NAT10: variants seen among roughly 807,000 people sequenced by gnomAD.
NAT10 encodes the protein RNA cytidine acetyltransferase.
A neutral mutation model predicts 132.2 loss-of-function variants in NAT10; 109 were observed. The ratio of observed to expected loss-of-function variants is 0.82; its 90% CI spans 0.71 to 0.97. NAT10 has a LOEUF of 0.97. NAT10 is among the 50% of genes least tolerant of loss of function. The pLI, the probability that NAT10 is intolerant of heterozygous loss-of-function variation, is 0.00. For missense variants in NAT10, 1,184 were observed against 1,263.4 expected (o/e 0.94, Z 0.95); for synonymous variants, 479 against 478.0 (o/e 1.00, Z -0.03).
intron 8 of NAT10, among the ~76,000 whole-genome samples, chr11:34,121,802 G>A (rs1395563623): frequency 1.4e-5 from 2 of 140,760 alleles, no homozygotes; most frequent in South Asian, 2.4e-4. Context: ...GGAGGTTGAA[G>A]TGAGCTGAGA....
At chr11:34,116,657 C>T (rs201414585) in intron 6 of NAT10, among the ~76,000 whole-genome samples, 3 of 152,006 alleles carry the variant, frequency 2.0e-5, no homozygotes, top group African/African-American at 4.8e-5. Context: ...TACAGAGACA[C>T]GATCTTGGCT....
At chr11:34,142,631 G>A (rs974307699) in intron 27 of NAT10, among the ~76,000 whole-genome samples, 14 of 152,176 alleles carry the variant, frequency 9.2e-5, no homozygotes, top group South Asian at 6.2e-4. Flanking sequence ...TGGGGGTGCC[G>A]ATTGGATGAG....
intron 25 of NAT10, 141 bp downstream of exon 25, chr11:34,141,349 A>C: frequency 2.4e-6 from 3 of 1,233,248 alleles, no homozygotes; most frequent in Non-Finnish European, 2.2e-6. Context: ...ACACACACAA[A>C]TCCAGGACTT....
chr11:34,123,039 A>G (rs945949768), intron 9 of NAT10, among the ~76,000 whole-genome samples: 2 of 152,104 alleles, frequency 1.3e-5, no homozygotes, highest in Non-Finnish European at 2.9e-5. Context: ...GTTTTTTTCT[A>G]CTGGGTTTGG....
intron 12 of NAT10, among the ~76,000 whole-genome samples, chr11:34,128,737 GT>G (rs1852047044): frequency 6.6e-6 from 1 of 152,104 alleles, no homozygotes; most frequent in Non-Finnish European, 1.5e-5. Context: ...TAATTTAATG[GT>G]TTTTAGTATG....
chr11:34,133,690 T>C (rs1407595307), intron 16 of NAT10, among the ~76,000 whole-genome samples: 2 of 152,228 alleles, frequency 1.3e-5, no homozygotes, highest in Non-Finnish European at 2.9e-5. Flanking sequence ...TATTTTGAAC[T>C]TGTGCTGTTC....
rs560072423 is a variant in NAT10, at chr11:34,132,629, A to G, written c.1618-397A>G. Among the ~76,000 whole-genome samples the G allele has an allele frequency of 8.5e-5, 13 of 152,322 alleles. No individual in the cohort carries two copies. In the South Asian group the frequency reaches 2.7e-3, roughly 32 times the overall value. The stretch of plus-strand genomic sequence containing the variant: ...GTTGGTTAAAAAGGATACTTTTTGA[A>G]TGTCTAGATAGTATTTTTATGAACA... On this transcript the variant is annotated intron_variant, in intron 15 of 28. Transcript: ENST00000257829.
chr11:34,138,072 A>G (rs1158096707), intron 21 of NAT10, among the ~76,000 whole-genome samples: 1 of 152,174 alleles, frequency 6.6e-6, no homozygotes, highest in Non-Finnish European at 1.5e-5. Flanking sequence ...GGCGCTAAAG[A>G]AGGATTGTCC....
intron 3 of NAT10, among the ~76,000 whole-genome samples, chr11:34,109,093 C>T (rs1216623074): frequency 6.6e-6 from 1 of 152,208 alleles, no homozygotes; most frequent in Non-Finnish European, 1.5e-5. Flanking sequence ...AAGCCCATCT[C>T]ATTGCAAGTT....
chr11:34,118,035 C>G, intron 6 of NAT10, 145 bp from the exon 7 acceptor site: 1 of 619,080 alleles, frequency 1.6e-6, no homozygotes, highest in Non-Finnish European at 2.8e-6. Context: ...TGAATCATCT[C>G]ACACTGCTCT....
intron 3 of NAT10, 78 bp from the exon 4 acceptor site, chr11:34,111,974 T>C: frequency 6.4e-7 from 1 of 1,550,768 alleles, no homozygotes; most frequent in South Asian, 1.2e-5. Context: ...GGGTGATCAC[T>C]GAGCCTTTCC....
At chr11:34,134,612 A>G in intron 18 of NAT10, 26 bp downstream of exon 18, 2 of 1,612,378 alleles carry the variant, frequency 1.2e-6, no homozygotes, top group Non-Finnish European at 1.7e-6. Context: ...GCTCCCCTGA[A>G]GCCGTGTTGC....
At chr11:34,134,988 G>A (rs997215444) in intron 18 of NAT10, among the ~76,000 whole-genome samples, 187 bp from the exon 19 acceptor site, 2 of 152,134 alleles carry the variant, frequency 1.3e-5, no homozygotes, top group African/African-American at 2.4e-5. Flanking sequence ...TTAAGAACTC[G>A]GGTCACACTA....
Position 34,131,365 on chromosome 11 carries a change from T to C in NAT10, c.1370-16T>C, listed in dbSNP as rs1179435165. Reference sequence around the variant, plus strand: ...ATCATTGTTTCTTCTTTTGTGTGTGTGATTGTGGGGAGCAGCGCGGACACT... The same window carrying C: ...ATCATTGTTTCTTCTTTTGTGTGTGCGATTGTGGGGAGCAGCGCGGACACT... On this transcript the variant is annotated splice_polypyrimidine_tract_variant and intron_variant, in intron 13 of 28. Transcript: ENST00000257829. The C allele has an allele frequency of 6.3e-7, 1 of 1,593,752 alleles. No homozygotes were observed. Among genetic ancestry groups the C allele is most frequent in the South Asian group, 1.1e-5 (1 of 88,442 alleles).
Position 34,141,786 on chromosome 11 carries a change from A to T in NAT10, c.2780A>T (p.Glu927Val). 1 of 1,613,938 alleles carries T rather than the reference A, an allele frequency of 6.2e-7. No individual in the cohort carries two copies. Among genetic ancestry groups the T allele is most frequent in the Non-Finnish European group, 8.5e-7 (1 of 1,180,024 alleles). ...QMVAAKDVVM[E>V]PTMKTLSDDL... is the part of the protein sequence containing the mutation. Reference sequence around the variant, plus strand: ...GTGGCAGCGAAGGATGTGGTCATGGAGCCCACGATGAAGACCCTCAGTGAC... The same window carrying T: ...GTGGCAGCGAAGGATGTGGTCATGGTGCCCACGATGAAGACCCTCAGTGAC... The change falls in exon 26 of 29, where the codon GAG (glutamate) becomes GTG (valine). Residue 927 changes from glutamate (E) to valine (V), a missense_variant. Coordinates refer to ENST00000257829, the MANE Select transcript of NAT10 (RefSeq NM_024662.3).
chr11:34,127,200 CAGG>C (rs1852011017), intron 11 of NAT10, among the ~76,000 whole-genome samples: 1 of 152,148 alleles, frequency 6.6e-6, no homozygotes, highest in African/African-American at 2.4e-5. Flanking sequence ...CTTCATTTTA[CAGG>C]AGGAGGAGTC....
chr11:34,109,885 C>T (rs574151529), intron 3 of NAT10, among the ~76,000 whole-genome samples: 37 of 152,300 alleles, frequency 2.4e-4, no homozygotes, highest in African/African-American at 7.7e-4. Flanking sequence ...ACAACACTTG[C>T]GTTTTCCTTG....
intron 12 of NAT10, among the ~76,000 whole-genome samples, chr11:34,129,568 C>T (rs1852064497): frequency 2.5e-5 from 3 of 119,102 alleles, no homozygotes; most frequent in Admixed American, 8.2e-5. Flanking sequence ...TTCTCACATT[C>T]TATGGGTTTT....
chr11:34,129,153 A>T (rs1333577795), intron 12 of NAT10, among the ~76,000 whole-genome samples: 1 of 152,136 alleles, frequency 6.6e-6, no homozygotes, highest in Non-Finnish European at 1.5e-5. Flanking sequence ...TCTCTTAGGG[A>T]TACACCTAGG....
Sources: allele counts gnomAD v4.1 joint callset (sites outside exome capture counted in the v4.1 genomes callset), GRCh38; gene constraint gnomAD v4.1.1; transcripts MANE v1.5; gene names NCBI Gene and HGNC (gene_info 2026-07-23, HGNC 2026-07-21).